SULF1: variants seen among roughly 807,000 people sequenced by gnomAD.
The protein encoded by SULF1 is extracellular sulfatase Sulf-1.
SULF1 carries 46 observed loss-of-function variants against 110.5 expected under a neutral mutation model. That is an observed-to-expected ratio of 0.42 (90% CI 0.33 to 0.53). The LOEUF is 0.53. Ranked by LOEUF, SULF1 falls within the 20% of genes least tolerant of loss-of-function variation. The pLI is 0.12. For missense variants in SULF1, 941 were observed against 1,094.2 expected (o/e 0.86, Z 1.98); for synonymous variants, 371 against 387.1 (o/e 0.96, Z 0.49).
chr8:69,631,922 T>C (rs1810584866), intron 19 of SULF1, among the ~76,000 whole-genome samples: 1 of 152,252 alleles, frequency 6.6e-6, no homozygotes, highest in African/African-American at 2.4e-5. Flanking sequence ...GTAATCATAG[T>C]TTTTTTGACT....
At chr8:69,533,399 C>A (rs1009551235) in intron 3 of SULF1, among the ~76,000 whole-genome samples, 1 of 152,116 alleles carries the variant, frequency 6.6e-6, no homozygotes, top group African/African-American at 2.4e-5. Flanking sequence ...TGTTCTCCCT[C>A]CCTCCGTCCC....
chr8:69,512,289 C>G (rs7815664), intron 3 of SULF1, among the ~76,000 whole-genome samples: 79,549 of 151,882 alleles, frequency 0.52, 21,512 homozygotes, highest in South Asian at 0.65. Flanking sequence ...GCCTCTTGAG[C>G]GAGTATTGTA....
intron 7 of SULF1, 99 bp downstream of exon 7, chr8:69,586,607 A>G (rs1806482960): frequency 7.8e-7 from 1 of 1,278,120 alleles, no homozygotes; most frequent in Non-Finnish European, 1.1e-6. Context: ...TTGGCTTTCT[A>G]TGTTCTCACA....
intron 21 of SULF1, among the ~76,000 whole-genome samples, chr8:69,640,073 A>AG (rs1236233235): frequency 9.3e-5 from 14 of 151,118 alleles, no homozygotes; most frequent in African/African-American, 3.4e-4. Context: ...TTACAAAAAA[A>AG]AGAGAGAGAG....
chr8:69,587,989 C>G (rs1806593457), intron 7 of SULF1, among the ~76,000 whole-genome samples: 1 of 152,214 alleles, frequency 6.6e-6, no homozygotes, highest in African/African-American at 2.4e-5. Flanking sequence ...CACACCATCC[C>G]TCTGATACTG....
chr8:69,640,511 A>C (rs572200034), intron 21 of SULF1, among the ~76,000 whole-genome samples: 1 of 152,272 alleles, frequency 6.6e-6, no homozygotes, highest in East Asian at 1.9e-4. Flanking sequence ...TGAGAATTAC[A>C]TGGACTTCTG....
chr8:69,650,021 G>A (rs1452237778), intron 22 of SULF1, among the ~76,000 whole-genome samples: 1 of 97,950 alleles, frequency 1.0e-5, no homozygotes. Context: ...TCTGAGACAC[G>A]GTCTTGCTCT....
chr8:69,628,123 T>C (rs771035542), intron 17 of SULF1, 48 bp from the exon 18 acceptor site: 2 of 1,459,482 alleles, frequency 1.4e-6, no homozygotes, highest in African/African-American at 2.8e-5. Flanking sequence ...AACACTTTGA[T>C]CCAATGCAAG....
intron 19 of SULF1, 141 bp downstream of exon 19, chr8:69,629,820 T>C: frequency 1.3e-6 from 1 of 765,698 alleles, no homozygotes; most frequent in Non-Finnish European, 2.0e-6. Flanking sequence ...TACTGGAAAC[T>C]CAAATGATTT....
At chr8:69,469,866 A>G (rs1278457577) in intron 1 of SULF1, among the ~76,000 whole-genome samples, 1 of 152,120 alleles carries the variant, frequency 6.6e-6, no homozygotes, top group Non-Finnish European at 1.5e-5. Flanking sequence ...ACATGGTGAA[A>G]CCCCAAGTCT....
chr8:69,659,183 T>C lies in SULF1; in HGVS notation c.*648T>C. On this transcript the variant is annotated 3_prime_UTR_variant, in exon 23 of 23. Transcript: ENST00000402687. ...TCCGATGGAATTTCAGTTCATCAGA[T>C]GTTCACCATGGCCACCGCAGAACAC... 1 of 456,770 alleles carries C rather than the reference T, an allele frequency of 2.2e-6. No homozygotes were observed. The highest frequency in any genetic ancestry group is 4.4e-6 in the Non-Finnish European group (1 of 226,990). 28.3% of individuals were successfully genotyped at this position (456,770 alleles called of 1,614,324 possible).
chr8:69,472,489 G>A (rs1168960570), intron 1 of SULF1, among the ~76,000 whole-genome samples: 2 of 152,188 alleles, frequency 1.3e-5, no homozygotes, highest in East Asian at 3.9e-4. Context: ...CCTTTTCCCT[G>A]GAAGGGCAGC....
At chr8:69,598,943 G>A (rs1443121097) in intron 8 of SULF1, among the ~76,000 whole-genome samples, 4 of 152,182 alleles carry the variant, frequency 2.6e-5, no homozygotes, top group Non-Finnish European at 5.9e-5. Context: ...AACCAAGAAG[G>A]CCAAGGATCC....
At position 69,613,928 on chromosome 8, in the gene SULF1, T is replaced by C. The variant is rs1808868511; in HGVS notation, c.1378-7107T>C. On this transcript the variant is annotated intron_variant, in intron 13 of 22. Coordinates refer to ENST00000402687, the MANE Select transcript of SULF1 (RefSeq NM_001128205.2). ...GGAATCCAGAAGAACAAAGAGATTC[T>C]GCAATTTGCTCAAAGCCATAGAGTT... Among the ~76,000 whole-genome samples, 5 of 152,002 alleles carry C rather than the reference T, an allele frequency of 3.3e-5. 1 individual carries two copies. The South Asian group carries it at 1.0e-3, about 32-fold the overall frequency.
At chr8:69,529,713 T>C (rs1812953036) in intron 3 of SULF1, among the ~76,000 whole-genome samples, 1 of 152,184 alleles carries the variant, frequency 6.6e-6, no homozygotes, top group Non-Finnish European at 1.5e-5. Flanking sequence ...TGCTGGCTGC[T>C]AATTGGAGGC....
At chr8:69,526,543 C>A (rs1335207926) in intron 3 of SULF1, among the ~76,000 whole-genome samples, 1 of 148,952 alleles carries the variant, frequency 6.7e-6, no homozygotes, top group Non-Finnish European at 1.5e-5. Context: ...AGGAGGATTA[C>A]TTAAGCCCAA....
At chr8:69,517,801 C>A (rs1183269139) in intron 3 of SULF1, among the ~76,000 whole-genome samples, 6 of 152,186 alleles carry the variant, frequency 3.9e-5, no homozygotes, top group Non-Finnish European at 8.8e-5. Context: ...TTGTGCATTT[C>A]TGCATCTTCC....
At chr8:69,622,240 G>A (rs1182322571) in intron 14 of SULF1, among the ~76,000 whole-genome samples, 1 of 152,104 alleles carries the variant, frequency 6.6e-6, no homozygotes, top group African/African-American at 2.4e-5. Context: ...TTCCCTAACA[G>A]AAAAATTCCA....
chr8:69,586,757 C>G (rs1020368837), intron 7 of SULF1, among the ~76,000 whole-genome samples: 1 of 151,890 alleles, frequency 6.6e-6, no homozygotes, highest in African/African-American at 2.4e-5. Context: ...TCAAGAAAAT[C>G]AGAATTCTCT....
Sources: gnomAD v4.1 joint callset for allele counts (sites outside exome capture counted in the v4.1 genomes callset) on GRCh38, gnomAD v4.1.1 for gene constraint, MANE v1.5 for transcripts, NCBI Gene and HGNC (gene_info 2026-07-23, HGNC 2026-07-21) for gene names.